MAN1A2: variants seen among roughly 807,000 people sequenced by gnomAD.
The protein encoded by MAN1A2 is mannosidase alpha class 1A member 2.
Under a neutral mutation model 75.7 loss-of-function variants are expected in MAN1A2, and 26 were observed. The ratio of observed to expected loss-of-function variants is 0.34; its 90% CI spans 0.25 to 0.48. The LOEUF is 0.48. Among genes scored for constraint, MAN1A2 ranks in the 20% least tolerant of loss-of-function variants. MAN1A2 has a pLI of 0.99. For synonymous variants in MAN1A2, 247 were observed against 264.6 expected, an observed-to-expected ratio of 0.93 and a Z score of 0.65; for missense variants, 562 against 775.5, an observed-to-expected ratio of 0.72 and a Z score of 3.27.
chr1:117,405,492 TAAAAA>T, intron 2 of MAN1A2, 52 bp from the exon 3 acceptor site: 1 of 1,083,614 alleles, frequency 9.2e-7, no homozygotes, highest in Admixed American at 1.7e-5. Flanking sequence ...TTGTATGAAA[TAAAAA>T]AACAGTTTGT....
chr1:117,494,457 A>G (rs1650978873), intron 9 of MAN1A2: 1 of 152,080 alleles, frequency 6.6e-6, no homozygotes, highest in African/African-American at 2.4e-5. Flanking sequence ...ATTAGTTGTC[A>G]GAGTTATAAT....
At chr1:117,440,869 A>G (rs1011048285) in intron 5 of MAN1A2, among the ~76,000 whole-genome samples, 3 of 152,138 alleles carry the variant, frequency 2.0e-5, no homozygotes, top group African/African-American at 7.2e-5. Context: ...AACAGAAGCA[A>G]TACTGTTTGC....
rs1651979678 is a variant in MAN1A2 at position 117,525,270 on chromosome 1, A to G, written c.*2313A>G. On this transcript the variant is annotated 3_prime_UTR_variant, in exon 13 of 13. Coordinates refer to ENST00000356554, the MANE Select transcript of MAN1A2 (RefSeq NM_006699.5). ...TTCACCACTCCTTACCTTCTATGTGATGGAAAGACTAGAGCTTATAAAAGT... is the reference window on the plus strand; with the variant it reads ...TTCACCACTCCTTACCTTCTATGTGGTGGAAAGACTAGAGCTTATAAAAGT... The G allele has an allele frequency of 2.8e-6, 1 of 362,180 alleles. No individual in the cohort carries two copies. The highest frequency in any genetic ancestry group is 3.2e-5 in the Admixed American group (1 of 31,212). 22.4% of individuals were successfully genotyped at this position (362,180 alleles called of 1,614,324 possible). A position where few individuals can be genotyped will look rare whatever the true frequency, so the allele number is the denominator to read the frequency against.
chr1:117,442,307 C>A lies in MAN1A2; in HGVS notation c.932C>A (p.Ala311Glu). 6.2e-7 allele frequency: 1 copy of A among 1,608,876 alleles called. No homozygotes were observed. Among genetic ancestry groups the A allele is most frequent in the Non-Finnish European group, 8.5e-7 (1 of 1,175,374 alleles). Residue 311 changes from alanine to glutamate, a missense_variant, in exon 6 of 13, where the codon GCA becomes GAA. By Grantham distance (107) the Ala-to-Glu change is moderately radical (BLOSUM62 -1). This residue lies in a region of MAN1A2 where 434 missense variants were observed against 645.7 expected (regional missense o/e 0.67). Transcript: ENST00000356554. ...AFNTPTGIPW[A>E]MVNLKSGVGR... ...AACACACCTACTGGGATTCCTTGGGCAATGGTGAATTTGAAAAGGTAACTC... is the reference window on the plus strand; with the variant it reads ...AACACACCTACTGGGATTCCTTGGGAAATGGTGAATTTGAAAAGGTAACTC...
At chr1:117,368,740 A>C (rs1439781413) in intron 1 of MAN1A2, among the ~76,000 whole-genome samples, 1 of 152,082 alleles carries the variant, frequency 6.6e-6, no homozygotes, top group Non-Finnish European at 1.5e-5. Flanking sequence ...TATAAGAAAA[A>C]CATTTGCGTT....
rs550178575 is a variant in MAN1A2, at chr1:117,452,374, T to C, written c.951-8115T>C. ...AGGCATGTGAAGTAATTAAGCTTAG[T>C]GAGGAAGGCATGCCAAAAACTAGGC... On this transcript the variant is annotated intron_variant, in intron 6 of 12. Transcript: ENST00000356554. Among the ~76,000 whole-genome samples, 12 of 151,612 alleles carry C rather than the reference T, an allele frequency of 7.9e-5. No homozygotes were observed. In the South Asian group the frequency reaches 2.3e-3, roughly 29 times the overall value.
chr1:117,393,356 T>C (rs940470574), intron 1 of MAN1A2, among the ~76,000 whole-genome samples: 5 of 152,120 alleles, frequency 3.3e-5, no homozygotes, highest in African/African-American at 9.7e-5. Context: ...ACTAAAGGAG[T>C]GTAGAATGCT....
In MAN1A2 at chr1:117,368,425, G is replaced by A. The variant is rs939428207; in HGVS notation, c.242G>A (p.Gly81Asp). Residue 81 changes from glycine (G) to aspartate (D), a missense_variant, in exon 1 of 13, where the codon GGT (glycine) becomes GAT (aspartate). Physicochemically the swap from Gly to Asp is moderately conservative, Grantham distance 94. Around this residue, in one of 2 missense-constraint regions of MAN1A2, gnomAD observed 128 missense variants for 129.8 expected, o/e 0.99. Transcript: ENST00000356554. The stretch of plus-strand genomic sequence containing the variant: ...GTGTTAATTCCACATGTAGATGCCG[G>A]TAAAGGGGCTAAAAACCCCGGAGTC... The part of the protein sequence containing the change: ...EDVLIPHVDA[G>D]KGAKNPGVFL... The A allele has an allele frequency of 2.5e-6, 4 of 1,613,846 alleles. No individual in the cohort carries two copies. The highest frequency in any genetic ancestry group is 1.3e-5 in the African/African-American group (1 of 74,868).
chr1:117,395,245 A>G (rs1653868787), intron 1 of MAN1A2, among the ~76,000 whole-genome samples: 1 of 152,228 alleles, frequency 6.6e-6, no homozygotes, highest in Non-Finnish European at 1.5e-5. Flanking sequence ...TCTGCACAGT[A>G]AGTGTGAGAA....
chr1:117,394,790 G>A (rs948679706), intron 1 of MAN1A2, among the ~76,000 whole-genome samples: 4 of 152,216 alleles, frequency 2.6e-5, no homozygotes, highest in African/African-American at 9.6e-5. Flanking sequence ...GAAACAGCAA[G>A]TGTAGTACTG....
intron 1 of MAN1A2, among the ~76,000 whole-genome samples, chr1:117,387,200 A>G (rs1028684800): frequency 1.4e-5 from 2 of 147,194 alleles, no homozygotes; most frequent in Non-Finnish European, 3.0e-5. Flanking sequence ...CTTCACATCT[A>G]TTAGGATGGC....
chr1:117,418,636 G>A (rs1648091112), intron 4 of MAN1A2, among the ~76,000 whole-genome samples: 1 of 151,858 alleles, frequency 6.6e-6, no homozygotes, highest in East Asian at 1.9e-4. Context: ...TCTATGTGTG[G>A]GTTATTCTTT....
intron 1 of MAN1A2, among the ~76,000 whole-genome samples, chr1:117,383,963 A>G (rs1369999858): frequency 6.6e-6 from 1 of 152,166 alleles, no homozygotes; most frequent in Non-Finnish European, 1.5e-5. Flanking sequence ...CTGTAAGGTC[A>G]GCTGCAGTGT....
intron 8 of MAN1A2, among the ~76,000 whole-genome samples, chr1:117,484,002 A>G (rs1033801900): frequency 1.3e-5 from 2 of 151,742 alleles, no homozygotes; most frequent in African/African-American, 4.8e-5. Context: ...ATCATTGTAT[A>G]ACCACAGTTG....
chr1:117,472,838 G>T (rs1650204191), intron 8 of MAN1A2, among the ~76,000 whole-genome samples: 1 of 151,746 alleles, frequency 6.6e-6, no homozygotes, highest in African/African-American at 2.4e-5. Context: ...TTTTTAAAAA[G>T]CTCATCAGCT....
At chr1:117,522,359 A>T (rs751328111) in intron 12 of MAN1A2, among the ~76,000 whole-genome samples, 1 of 151,898 alleles carries the variant, frequency 6.6e-6, no homozygotes, top group Non-Finnish European at 1.5e-5. Flanking sequence ...TCAATGAACT[A>T]AAATAGACCA....
chr1:117,492,172 G>A (rs1650900408), intron 8 of MAN1A2, among the ~76,000 whole-genome samples: 1 of 152,050 alleles, frequency 6.6e-6, no homozygotes, highest in African/African-American at 2.4e-5. Context: ...AGCACCACAA[G>A]CTACAGAGAG....
intron 3 of MAN1A2, among the ~76,000 whole-genome samples, chr1:117,408,706 T>C (rs1447259025): frequency 6.6e-6 from 1 of 152,140 alleles, no homozygotes; most frequent in African/African-American, 2.4e-5. Context: ...TGAGATTGTT[T>C]AGGATTGGTT....
intron 8 of MAN1A2, among the ~76,000 whole-genome samples, chr1:117,481,170 G>A (rs976519426): frequency 1.3e-4 from 20 of 151,148 alleles, no homozygotes; most frequent in African/African-American, 4.6e-4. Context: ...TTCTTTTTTG[G>A]TGTTTGCATT....
Sources: gnomAD v4.1 joint callset for allele counts (sites outside exome capture counted in the v4.1 genomes callset) on GRCh38, gnomAD v4.1.1 for gene constraint, gnomAD v4.1.1 regional missense constraint, MANE v1.5 for transcripts, NCBI Gene and HGNC (gene_info 2026-07-23, HGNC 2026-07-21) for gene names.